The following ATP8A2 variants were observed in gnomAD, a reference collection of about 807,000 sequenced individuals.
ATP8A2 encodes the protein phospholipid-transporting ATPase IB.
A neutral mutation model predicts 165.6 loss-of-function variants in ATP8A2; 100 were observed. That is an observed-to-expected ratio of 0.60 (90% CI 0.51 to 0.71). The LOEUF is 0.71. Ranked by LOEUF, ATP8A2 falls within the 30% of genes least tolerant of loss-of-function variation. The probability of loss-of-function intolerance (pLI) is 0.00; values close to 1 mark genes in which losing one functional copy is unlikely to be tolerated. For synonymous variants in ATP8A2, 543 were observed against 548.8 expected, an observed-to-expected ratio of 0.99 and a Z score of 0.15; for missense variants, 1,227 against 1,479.5, an observed-to-expected ratio of 0.83 and a Z score of 2.80.
At chr13:25,795,078 A>G (rs1227806281) in intron 27 of ATP8A2, among the ~76,000 whole-genome samples, 1 of 152,148 alleles carries the variant, frequency 6.6e-6, no homozygotes, top group Non-Finnish European at 1.5e-5. Context: ...TAAACCAGGG[A>G]ACAGTTGGAA....
chr13:25,953,015 G>A lies in ATP8A2; in HGVS notation c.3184-8560G>A, dbSNP rs572121297. On this transcript the variant is annotated intron_variant, in intron 33 of 36. Coordinates refer to ENST00000381655, the MANE Select transcript of ATP8A2 (RefSeq NM_016529.6). This position sits in a 1 kb window ranked among gnomAD's most constrained non-coding sequence, Gnocchi z 6.7. Reference sequence around the variant, plus strand: ...TTTGAATGGAAAGAAATTTTAGGAGGCAACACTGAGGGGCAAGGAGGGCTG... The same window carrying A: ...TTTGAATGGAAAGAAATTTTAGGAGACAACACTGAGGGGCAAGGAGGGCTG... Among the ~76,000 whole-genome samples, 4 of 152,272 alleles carry A rather than the reference G, an allele frequency of 2.6e-5. No individual in the cohort carries two copies. The East Asian group carries it at 7.7e-4, about 29-fold the overall frequency.
intron 2 of ATP8A2, among the ~76,000 whole-genome samples, chr13:25,475,043 C>A (rs532872115): frequency 6.6e-6 from 1 of 152,100 alleles, no homozygotes; most frequent in Non-Finnish European, 1.5e-5. Flanking sequence ...TGGTCTCAAA[C>A]TCCTGACCTC....
chr13:25,951,815 C>A (rs1156822168), intron 33 of ATP8A2, among the ~76,000 whole-genome samples: 1 of 152,224 alleles, frequency 6.6e-6, no homozygotes, highest in Admixed American at 6.5e-5. Flanking sequence ...AACACTGATA[C>A]CGCCCACTGT....
intron 33 of ATP8A2, among the ~76,000 whole-genome samples, chr13:25,955,821 A>C (rs1384507801): frequency 1.3e-5 from 2 of 152,200 alleles, no homozygotes; most frequent in Non-Finnish European, 2.9e-5. Context: ...GAGACACAAC[A>C]AAACAAAAAA....
At chr13:25,630,665 G>T (rs1323464053) in intron 24 of ATP8A2, among the ~76,000 whole-genome samples, 2 of 152,144 alleles carry the variant, frequency 1.3e-5, no homozygotes, top group African/African-American at 4.8e-5. Context: ...GAAATCTTGA[G>T]ACAGCCCTTA....
intron 24 of ATP8A2, among the ~76,000 whole-genome samples, chr13:25,697,161 A>G (rs28520246): frequency 6.6e-6 from 1 of 152,232 alleles, no homozygotes; most frequent in Admixed American, 6.5e-5. Context: ...GCACAATAAA[A>G]TGAGGTGTGC....
chr13:25,455,712 T>A (rs1292262310), intron 1 of ATP8A2, among the ~76,000 whole-genome samples: 3 of 152,190 alleles, frequency 2.0e-5, no homozygotes, highest in African/African-American at 7.2e-5. Flanking sequence ...TTCATTCCTT[T>A]AATCTGCTTC....
chr13:25,835,214 C>T (rs1951574442), intron 28 of ATP8A2, among the ~76,000 whole-genome samples: 1 of 152,128 alleles, frequency 6.6e-6, no homozygotes, highest in Admixed American at 6.5e-5. Flanking sequence ...AGAAAGTGTG[C>T]ATGGCTCCTG....
chr13:25,910,864 G>T (rs1209970394), intron 33 of ATP8A2, among the ~76,000 whole-genome samples: 3 of 151,258 alleles, frequency 2.0e-5, no homozygotes, highest in Non-Finnish European at 4.4e-5. Flanking sequence ...GCTAATTCAT[G>T]TTAAGTCCGC....
chr13:25,776,971 G>GT (rs112177702), intron 27 of ATP8A2, among the ~76,000 whole-genome samples: 24,014 of 147,314 alleles, frequency 0.16, 2,022 homozygotes, highest in Admixed American at 0.23. Flanking sequence ...TCTTGCTGGT[G>GT]TTTTTTTTTT....
rs1382199561 is a variant in ATP8A2, at chr13:25,636,047, C to A, written c.2211+46348C>A. ...GAGTATGGGGGGAAGAGGTGGGGGACGTAGTGGTGCCAGGATCAAGGACTG... is the reference window on the plus strand; with the variant it reads ...GAGTATGGGGGGAAGAGGTGGGGGAAGTAGTGGTGCCAGGATCAAGGACTG... On this transcript the variant is annotated intron_variant, in intron 24 of 36. Coordinates refer to ENST00000381655, the MANE Select transcript of ATP8A2 (RefSeq NM_016529.6). Among the ~76,000 whole-genome samples, 4 of 151,954 alleles carry A rather than the reference C, an allele frequency of 2.6e-5. No individual in the cohort carries two copies. The South Asian group carries it at 8.3e-4, about 32-fold the overall frequency.
chr13:25,918,192 A>T (rs759591566), intron 33 of ATP8A2, among the ~76,000 whole-genome samples: 149 of 152,236 alleles, frequency 9.8e-4, no homozygotes, highest in Non-Finnish European at 1.7e-3. Context: ...AGCTTGAAGG[A>T]TAGGCTTCCA....
chr13:25,725,384 A>G (rs1305327840), intron 25 of ATP8A2, among the ~76,000 whole-genome samples: 4 of 152,232 alleles, frequency 2.6e-5, no homozygotes, highest in African/African-American at 9.6e-5. Context: ...CCATTGCTCC[A>G]TTAAAGTGGA....
intron 25 of ATP8A2, among the ~76,000 whole-genome samples, chr13:25,723,185 G>A (rs938585187): frequency 6.6e-6 from 1 of 152,186 alleles, no homozygotes; most frequent in African/African-American, 2.4e-5. Context: ...CATAATACTT[G>A]GGAGTAGAAT....
intron 1 of ATP8A2, among the ~76,000 whole-genome samples, chr13:25,443,913 T>C (rs1478192386): frequency 6.6e-6 from 1 of 152,266 alleles, no homozygotes; most frequent in African/African-American, 2.4e-5. Context: ...ATAAATGCAT[T>C]TGGCATATTT....
intron 33 of ATP8A2, among the ~76,000 whole-genome samples, chr13:25,905,412 T>C (rs2138968980): frequency 6.7e-6 from 1 of 149,298 alleles, no homozygotes; most frequent in Admixed American, 6.7e-5. Context: ...CTTATTTTTA[T>C]ATGCTCTCTC....
intron 27 of ATP8A2, among the ~76,000 whole-genome samples, chr13:25,783,447 G>A (rs1300340654): frequency 1.3e-5 from 2 of 152,180 alleles, no homozygotes; most frequent in East Asian, 3.8e-4. Flanking sequence ...AAGAACTCTT[G>A]GGTCATGGGG....
At chr13:25,555,098 G>A in intron 13 of ATP8A2, 30 bp downstream of exon 13, 1 of 1,504,908 alleles carries the variant, frequency 6.6e-7, no homozygotes, top group Non-Finnish European at 9.2e-7. Context: ...CTTTGGGAAT[G>A]GTGACACGAG....
intron 30 of ATP8A2, among the ~76,000 whole-genome samples, chr13:25,854,903 A>C (rs564154399): frequency 1.4e-4 from 21 of 152,172 alleles, no homozygotes; most frequent in Admixed American, 3.3e-4. Flanking sequence ...AGCCATCATC[A>C]CAATACATTA....
Sources: gnomAD v4.1 joint callset for allele counts (sites outside exome capture counted in the v4.1 genomes callset) on GRCh38, gnomAD v4.1.1 for gene constraint, Gnocchi (gnomAD v3.1) non-coding constraint, MANE v1.5 for transcripts, NCBI Gene and HGNC (gene_info 2026-07-23, HGNC 2026-07-21) for gene names.